Variants in CPEB1 observed in about 807,000 individuals in gnomAD.
CPEB1 encodes the protein cytoplasmic polyadenylation element binding protein 1.
A neutral mutation model predicts 65.8 loss-of-function variants in CPEB1; 7 were observed. That is an observed-to-expected ratio of 0.11 (90% confidence interval 0.06 to 0.20). The LOEUF is 0.20. Among genes scored for constraint, CPEB1 ranks in the 10% least tolerant of loss-of-function variants. The pLI is 1.00. For missense variants in CPEB1, 551 were observed against 712.2 expected, an observed-to-expected ratio of 0.77 and a Z score of 2.58; for synonymous variants, 262 against 260.0, an observed-to-expected ratio of 1.01 and a Z score of -0.08.
At chr15:82,644,913 C>G (rs2047378721) in intron 1 of CPEB1, among the ~76,000 whole-genome samples, 1 of 152,216 alleles carries the variant, frequency 6.6e-6, no homozygotes, top group Non-Finnish European at 1.5e-5. Flanking sequence ...CTTCCTCCTC[C>G]ACTTTTTACT....
intron 6 of CPEB1, 80 bp downstream of exon 6, chr15:82,555,790 C>G: frequency 1.3e-6 from 2 of 1,496,816 alleles, no homozygotes; most frequent in African/African-American, 1.4e-5. Flanking sequence ...AGACAGTTCA[C>G]AAGTGTGTGA....
Position 82,567,666 on chromosome 15 carries a change from A to T in CPEB1, c.460+3678T>A, listed in dbSNP as rs576127550. Among the ~76,000 whole-genome samples the T allele has an allele frequency of 1.2e-4, 18 of 152,126 alleles. No individual in the cohort carries two copies. The East Asian group carries it at 3.3e-3, about 28-fold the overall frequency. ...AAAAAAGAAAAGAAAAGAAAACCAG[A>T]GTGTGAACAGGTTAGTCCTCAAGAG... On this transcript the variant is annotated intron_variant, in intron 4 of 12. Coordinates refer to ENST00000684509, the MANE Select transcript of CPEB1 (RefSeq NM_001365242.1).
At chr15:82,603,607 A>C (rs1026920050) in intron 3 of CPEB1, among the ~76,000 whole-genome samples, 30 of 152,174 alleles carry the variant, frequency 2.0e-4, no homozygotes, top group Admixed American at 9.8e-4. Context: ...CAGCAAGTGA[A>C]GAATACAAGA....
At chr15:82,646,209 G>C (rs1162579861) in intron 1 of CPEB1, among the ~76,000 whole-genome samples, 1 of 152,222 alleles carries the variant, frequency 6.6e-6, no homozygotes, top group Non-Finnish European at 1.5e-5. Context: ...GTCCTTAGCA[G>C]ACACTCTTCC....
chr15:82,563,396 C>T (rs2038581847), intron 4 of CPEB1, among the ~76,000 whole-genome samples: 1 of 143,762 alleles, frequency 7.0e-6, no homozygotes, highest in Admixed American at 7.1e-5. Flanking sequence ...AAGGGTCTCC[C>T]TCTGTAACCC....
intron 3 of CPEB1, among the ~76,000 whole-genome samples, chr15:82,594,364 A>AAAAAGAAAAGAAAAGAAAAG (rs59982583): frequency 5.1e-4 from 77 of 150,124 alleles, no homozygotes; most frequent in Non-Finnish European, 8.9e-4. Flanking sequence ...TGAACCAAAA[A>AAAAAGAAAAGAAAAGAAAAG]AAAAGAAAAG....
At chr15:82,641,573 T>TA (rs1372739860) in intron 1 of CPEB1, 6 of 152,180 alleles carry the variant, frequency 3.9e-5, no homozygotes, top group African/African-American at 1.4e-4. Flanking sequence ...AAGTTACTCC[T>TA]AAAATCAATA....
chr15:82,637,888 A>G, intron 1 of CPEB1: 1 of 407,988 alleles, frequency 2.5e-6, no homozygotes, highest in South Asian at 1.8e-5. Context: ...ATGAATATTC[A>G]CCCATTAGAA....
At chr15:82,549,761 C>A in intron 9 of CPEB1, 103 bp from the exon 10 acceptor site, 2 of 1,155,196 alleles carry the variant, frequency 1.7e-6, no homozygotes, top group South Asian at 1.4e-5. Context: ...GCTAAGCTAA[C>A]GCCCTTACAG....
At chr15:82,546,600 A>G in intron 11 of CPEB1, 79 bp from the exon 12 acceptor site, 2 of 1,014,618 alleles carry the variant, frequency 2.0e-6, no homozygotes, top group Non-Finnish European at 3.1e-6. Context: ...AGGGCACATT[A>G]TTGGCCACAC....
At chr15:82,629,186 C>T in intron 1 of CPEB1, 1 of 809,564 alleles carries the variant, frequency 1.2e-6, no homozygotes, top group Non-Finnish European at 1.5e-6. Flanking sequence ...AACCTCTATC[C>T]CTCAGTTTCC....
At chr15:82,632,229 A>G (rs1017502774) in intron 1 of CPEB1, among the ~76,000 whole-genome samples, 2 of 151,912 alleles carry the variant, frequency 1.3e-5, no homozygotes, top group Non-Finnish European at 2.9e-5. Flanking sequence ...TGATCCGCCC[A>G]CCTTGGCCTC....
chr15:82,549,025 A>T (rs1472831151), intron 10 of CPEB1, among the ~76,000 whole-genome samples: 2 of 152,254 alleles, frequency 1.3e-5, no homozygotes, highest in African/African-American at 4.8e-5. Flanking sequence ...ACTCACTCAG[A>T]AAGTCCTCCT....
chr15:82,648,130 G>T, upstream of CPEB1: 1 of 356,288 alleles, frequency 2.8e-6, no homozygotes, highest in African/African-American at 2.1e-5. Context: ...GGGCTCCGCC[G>T]CCCACCCGGA....
intron 3 of CPEB1, among the ~76,000 whole-genome samples, chr15:82,585,733 T>C (rs925269160): frequency 1.3e-5 from 2 of 152,208 alleles, no homozygotes; most frequent in African/African-American, 2.4e-5. Context: ...AAGTAAAAGA[T>C]GATCACTTTC....
At chr15:82,562,972 C>G (rs2151004417) in intron 4 of CPEB1, among the ~76,000 whole-genome samples, 1 of 152,280 alleles carries the variant, frequency 6.6e-6, no homozygotes, top group South Asian at 2.1e-4. Flanking sequence ...AGTTCCTTCT[C>G]TCTGAAAACA....
chr15:82,554,921 C>T (rs982434342), intron 6 of CPEB1, among the ~76,000 whole-genome samples: 2 of 152,126 alleles, frequency 1.3e-5, no homozygotes, highest in Non-Finnish European at 1.5e-5. Flanking sequence ...AACAATGGCA[C>T]CAGAGAAAGT....
At chr15:82,591,293 GCT>G (rs1226115418) in intron 3 of CPEB1, among the ~76,000 whole-genome samples, 1 of 152,134 alleles carries the variant, frequency 6.6e-6, no homozygotes, top group Non-Finnish European at 1.5e-5. Context: ...ACGAAGTCTT[GCT>G]CTGTCACCCA....
chr15:82,646,390 G>C lies in CPEB1; in HGVS notation c.-98+747C>G, dbSNP rs1350311819. ...GCGCGGGGAGGCTGGGCGGTAGCCA[G>C]GGAGACCAAGGGAAGCGGTTGCCAG... On this transcript the variant is annotated intron_variant, in intron 1 of 12. Transcript: ENST00000684509. Among the ~76,000 whole-genome samples the C allele has an allele frequency of 5.3e-5, 8 of 152,326 alleles. No homozygotes were observed. In the East Asian group the frequency reaches 1.2e-3, roughly 22 times the overall value.
Sources: gnomAD v4.1 joint callset for allele counts (sites outside exome capture counted in the v4.1 genomes callset) on GRCh38, gnomAD v4.1.1 for gene constraint, MANE v1.5 for transcripts, NCBI Gene and HGNC (gene_info 2026-07-23, HGNC 2026-07-21) for gene names.